XK: variants seen among roughly 807,000 people sequenced by gnomAD.
The protein encoded by XK is X-linked Kx blood group antigen, Kell and VPS13A binding protein.
A neutral mutation model predicts 14.0 loss-of-function variants in XK; 2 were observed. The observed-to-expected ratio is 0.14, with a 90% CI of 0.06 to 0.45. The LOEUF (loss-of-function observed/expected upper bound fraction) is 0.45, where lower values mean the gene tolerates loss of function less well. XK is among the 20% of genes least tolerant of loss of function. The pLI is 0.98. For synonymous variants in XK, 149 were observed against 147.5 expected, an observed-to-expected ratio of 1.01 and a Z score of -0.08; for missense variants, 235 against 341.5, an observed-to-expected ratio of 0.69 and a Z score of 2.46.
At position 37,710,894 on chromosome X, in the gene XK, G is replaced by A. The variant is rs533594633; in HGVS notation, c.508+16346G>A. On this transcript the variant is annotated intron_variant, in intron 2 of 2. Transcript: ENST00000378616. ...TCGCCCCACAGAATGTGGAAATGCC[G>A]GTGCACAGGCCTGAGTGCCACCGAT... is the stretch of plus-strand genomic sequence containing the variant. Among the ~76,000 whole-genome samples, 239 of 111,569 alleles carry A rather than the reference G, an allele frequency of 2.1e-3. 1 individual carries two copies. The highest frequency in any genetic ancestry group is 7.1e-3 in the African/African-American group (219 of 30,687).
rs186262080 is a variant in XK, at chrX:37,699,326, G to A, written c.508+4778G>A. Reference sequence around the variant, plus strand: ...CATTTGTCTTGGTAGTGACAGGTTTGCGAGGTATATTTTACTTTCAGTTCC... The same window carrying A: ...CATTTGTCTTGGTAGTGACAGGTTTACGAGGTATATTTTACTTTCAGTTCC... On this transcript the variant is annotated intron_variant, in intron 2 of 2. Transcript: ENST00000378616. Among the ~76,000 whole-genome samples the A allele has an allele frequency of 3.5e-3, 398 of 112,151 alleles. 1 individual carries two copies. Among genetic ancestry groups the A allele is most frequent in the Non-Finnish European group, 5.1e-3 (272 of 53,199 alleles).
intron 2 of XK, among the ~76,000 whole-genome samples, chrX:37,708,665 T>C (rs1927600652): frequency 8.9e-6 from 1 of 112,544 alleles, no homozygotes; most frequent in African/African-American, 3.2e-5. Flanking sequence ...TCTAGATTTG[T>C]TTCAATGAAA....
Position 37,727,942 on chromosome X carries a change from G to A in XK, c.815G>A (p.Ser272Asn). The A allele has an allele frequency of 1.7e-6, 2 of 1,211,203 alleles. No homozygotes were observed. Among genetic ancestry groups the A allele is most frequent in the Non-Finnish European group, 2.2e-6 (2 of 895,314 alleles). ...PFPENIEKAL[S>N]RVGTTIVLCF... is the part of the protein sequence containing the mutation. ...CCTGAGAACATAGAGAAGGCCCTCA[G>A]TAGAGTGGGCACCACCATTGTACTA... Residue 272 changes from serine (S) to asparagine (N), a missense_variant, in exon 3 of 3, where the codon AGT (serine) becomes AAT (asparagine). Coordinates refer to ENST00000378616, the MANE Select transcript of XK (RefSeq NM_021083.4).
At position 37,694,499 on chromosome X, in the gene XK, C is replaced by T; in HGVS notation, c.459C>T (p.Thr153=). 1 of 1,191,928 alleles carries T rather than the reference C, an allele frequency of 8.4e-7. No homozygotes were observed. The highest frequency in any genetic ancestry group is 1.1e-6 in the Non-Finnish European group (1 of 884,252). ...QAFLGSAPQL[T]LQLYISVMQQ... ...TCTTGGGCTCAGCCCCCCAGCTGAC[C>T]CTACAGCTGTACATAAGTGTCATGC... is the stretch of plus-strand genomic sequence containing the variant. Residue 153 remains threonine, a synonymous_variant, in exon 2 of 3, where the codon ACC becomes ACT. Coordinates refer to ENST00000378616, the MANE Select transcript of XK (RefSeq NM_021083.4).
chrX:37,695,444 A>G (rs1227650543), intron 2 of XK, among the ~76,000 whole-genome samples: 5 of 111,568 alleles, frequency 4.5e-5, no homozygotes, highest in African/African-American at 1.6e-4. Context: ...AAGTTAAAAA[A>G]AAAAAACACT....
intron 2 of XK, among the ~76,000 whole-genome samples, chrX:37,716,472 C>T (rs948476328): frequency 1.6e-4 from 18 of 111,679 alleles, no homozygotes; most frequent in Middle Eastern, 4.6e-3. Context: ...AATGTGCATG[C>T]AAATATTTGT....
At chrX:37,698,109 C>G (rs1204815978) in intron 2 of XK, among the ~76,000 whole-genome samples, 2 of 111,896 alleles carry the variant, frequency 1.8e-5, no homozygotes, top group African/African-American at 6.5e-5. Context: ...TGTTACTGTG[C>G]TTTGTGAAGG....
intron 2 of XK, among the ~76,000 whole-genome samples, chrX:37,721,120 C>T (rs1556448844): frequency 1.8e-5 from 2 of 111,016 alleles, no homozygotes; most frequent in African/African-American, 3.3e-5. Context: ...TCATTTTACA[C>T]TCCCACCAAC....
rs1390776201 is a variant in XK at position 37,730,097 on chromosome X, T to A, written c.*1635T>A. ...CAATTTTGGTTTTTCTCATTTGAAA[T>A]GTTTTTGATTTATCAATATTTGTGG... On this transcript the variant is annotated 3_prime_UTR_variant, in exon 3 of 3. Coordinates refer to ENST00000378616, the MANE Select transcript of XK (RefSeq NM_021083.4). The A allele has an allele frequency of 8.9e-6, 1 of 111,865 alleles. No homozygotes were observed. The highest frequency in any genetic ancestry group is 3.2e-5 in the African/African-American group (1 of 30,810). The allele number at this position is 111,865 out of a possible 1,213,427, so 9.2% of individuals were successfully genotyped here.
chrX:37,719,864 A>T (rs975413863), intron 2 of XK, among the ~76,000 whole-genome samples: 20 of 110,969 alleles, frequency 1.8e-4, no homozygotes, highest in African/African-American at 6.5e-4. Flanking sequence ...AGGTATTTGT[A>T]AGAAAAAAAC....
At chrX:37,687,066 A>AT (rs782356933) in intron 1 of XK, among the ~76,000 whole-genome samples, 21 of 110,624 alleles carry the variant, frequency 1.9e-4, no homozygotes, top group Admixed American at 1.6e-3. Context: ...ATAATACTGA[A>AT]TTTTAGACAT....
intron 2 of XK, among the ~76,000 whole-genome samples, chrX:37,699,947 G>A (rs924877800): frequency 7.2e-5 from 8 of 111,038 alleles, no homozygotes; most frequent in African/African-American, 2.0e-4. Flanking sequence ...GAAAATCGAC[G>A]AGGGCTGATC....
At chrX:37,695,683 G>C (rs566777549) in intron 2 of XK, among the ~76,000 whole-genome samples, 1 of 111,990 alleles carries the variant, frequency 8.9e-6, no homozygotes, top group African/African-American at 3.2e-5. Flanking sequence ...TCCTCTTTCT[G>C]CCTATGTTTT....
chrX:37,704,353 G>A (rs1927469911), intron 2 of XK, among the ~76,000 whole-genome samples: 1 of 110,836 alleles, frequency 9.0e-6, no homozygotes, highest in Non-Finnish European at 1.9e-5. Context: ...GGGCAACATA[G>A]TGAGACCTCC....
At chrX:37,687,194 TACACACACACAC>T (rs36002435) in intron 1 of XK, among the ~76,000 whole-genome samples, 16 of 87,048 alleles carry the variant, frequency 1.8e-4, no homozygotes, top group African/African-American at 5.8e-4. Flanking sequence ...CTCTCTCTCT[TACACACACACAC>T]ACACACACAC....
At chrX:37,706,466 C>T (rs1180753271) in intron 2 of XK, among the ~76,000 whole-genome samples, 1 of 110,215 alleles carries the variant, frequency 9.1e-6, no homozygotes, top group African/African-American at 3.3e-5. Flanking sequence ...AATTATGACC[C>T]CAAAGATATT....
Position 37,729,499 on chromosome X carries a change from G to A in XK, c.*1037G>A, listed in dbSNP as rs1448497564. 2.7e-5 allele frequency: 3 copies of A among 112,009 alleles called. No homozygotes were observed. The highest frequency in any genetic ancestry group is 9.7e-5 in the African/African-American group (3 of 30,820). 9.2% of individuals were successfully genotyped at this position (112,009 alleles called of 1,213,427 possible). On this transcript the variant is annotated 3_prime_UTR_variant, in exon 3 of 3. Coordinates refer to ENST00000378616, the MANE Select transcript of XK (RefSeq NM_021083.4). ...AGAAAATTTTTGTCTTTCATGGAAT[G>A]CAATTTGACTTGGCATAATTGTGAG...
intron 2 of XK, among the ~76,000 whole-genome samples, chrX:37,699,707 A>G (rs1927373910): frequency 8.9e-6 from 1 of 112,313 alleles, no homozygotes; most frequent in South Asian, 3.7e-4. Context: ...TTGTTGCTAG[A>G]ATGTTTAAGT....
intron 2 of XK, among the ~76,000 whole-genome samples, chrX:37,711,604 G>T (rs782652416): frequency 8.9e-6 from 1 of 112,066 alleles, no homozygotes; most frequent in Non-Finnish European, 1.9e-5. Flanking sequence ...TAAAAATGTA[G>T]TCTTGATTAG....
Sources: gnomAD v4.1 joint callset for allele counts (sites outside exome capture counted in the v4.1 genomes callset) on GRCh38, gnomAD v4.1.1 for gene constraint, MANE v1.5 for transcripts, NCBI Gene and HGNC (gene_info 2026-07-23, HGNC 2026-07-21) for gene names.